CRKL: variants seen among roughly 807,000 people sequenced by gnomAD.
CRKL encodes the protein crk-like protein.
A neutral mutation model predicts 23.0 loss-of-function variants in CRKL; 3 were observed. The ratio of observed to expected loss-of-function variants is 0.13; its 90% CI spans 0.06 to 0.34. The LOEUF (loss-of-function observed/expected upper bound fraction) is 0.34, where lower values mean the gene tolerates loss of function less well. Ranked by LOEUF, CRKL falls within the 10% of genes least tolerant of loss-of-function variation. The pLI is 1.00. For missense variants in CRKL, 256 were observed against 394.5 expected, an observed-to-expected ratio of 0.65 and a Z score of 2.97; for synonymous variants, 188 against 160.7, an observed-to-expected ratio of 1.17 and a Z score of -1.28.
chr22:20,917,931 C>T lies in CRKL; in HGVS notation c.-4C>T, dbSNP rs2147891202. The T allele has an allele frequency of 3.7e-6, 6 of 1,612,788 alleles. No homozygotes were observed. Among genetic ancestry groups the T allele is most frequent in the Non-Finnish European group, 4.2e-6 (5 of 1,179,524 alleles). On this transcript the variant is annotated 5_prime_UTR_variant, in exon 1 of 3. Coordinates refer to ENST00000354336, the MANE Select transcript of CRKL (RefSeq NM_005207.4). Reference sequence around the variant, plus strand: ...TACCGCCGCAGAGTCCCCGGTCCAACACCATGTCCTCCGCCAGGTTCGACT... The same window carrying T: ...TACCGCCGCAGAGTCCCCGGTCCAATACCATGTCCTCCGCCAGGTTCGACT...
At chr22:20,920,864 C>A (rs1034959470) in intron 1 of CRKL, among the ~76,000 whole-genome samples, 5 of 152,162 alleles carry the variant, frequency 3.3e-5, no homozygotes, top group Admixed American at 3.3e-4. Context: ...CTGACCCTAC[C>A]CCTCACGTTC....
At chr22:20,927,579 A>C (rs561884490) in intron 1 of CRKL, among the ~76,000 whole-genome samples, 1 of 145,596 alleles carries the variant, frequency 6.9e-6, no homozygotes, top group South Asian at 2.3e-4. Context: ...GCCGTGGCTC[A>C]CGCCTGTAAT....
At chr22:20,939,217 T>TGTATTTC (rs1921770845) in intron 2 of CRKL, among the ~76,000 whole-genome samples, 1 of 146,524 alleles carries the variant, frequency 6.8e-6, no homozygotes, top group South Asian at 2.2e-4. Flanking sequence ...CTGTGGCACA[T>TGTATTTC]CTGGAACATA....
intron 2 of CRKL, among the ~76,000 whole-genome samples, chr22:20,942,363 A>G (rs1293644744): frequency 6.6e-6 from 1 of 152,236 alleles, no homozygotes; most frequent in East Asian, 1.9e-4. Flanking sequence ...CCTGGGCAAC[A>G]TAGTGAGACT....
At position 20,934,077 on chromosome 22, in the gene CRKL, G is replaced by A. The variant is rs770839945; in HGVS notation, c.610G>A (p.Ala204Thr). 2 of 1,614,188 alleles carry A rather than the reference G, an allele frequency of 1.2e-6. No individual in the cohort carries two copies. Among genetic ancestry groups the A allele is most frequent in the Non-Finnish European group, 1.7e-6 (2 of 1,180,052 alleles). The change falls in exon 2 of 3, where the codon GCT (alanine) becomes ACT (threonine). Residue 204 changes from alanine (A) to threonine (T), a missense_variant. By Grantham distance (58) the Ala-to-Thr change is moderately conservative (BLOSUM62 0). This residue lies in a region of CRKL where 129 missense variants were observed against 222.1 expected (regional missense o/e 0.58). Coordinates refer to ENST00000354336, the MANE Select transcript of CRKL (RefSeq NM_005207.4). Reference protein sequence around the residue: ...NSNSYGIPEPAHAYAQPQTTT... With the variant: ...NSNSYGIPEPTHAYAQPQTTT... ...CAACAGTTATGGGATCCCAGAACCT[G>A]CTCATGCATACGCTCAACCTCAGAC... is the stretch of plus-strand genomic sequence containing the variant.
At chr22:20,944,678 C>T (rs574491845) in intron 2 of CRKL, among the ~76,000 whole-genome samples, 1 of 152,020 alleles carries the variant, frequency 6.6e-6, no homozygotes, top group Non-Finnish European at 1.5e-5. Flanking sequence ...GCTGGGATTA[C>T]AGGCATGAGC....
At chr22:20,919,664 A>G (rs553984803) in intron 1 of CRKL, among the ~76,000 whole-genome samples, 107 of 152,296 alleles carry the variant, frequency 7.0e-4, no homozygotes, top group African/African-American at 2.4e-3. Context: ...AAAGTAACAA[A>G]CTGGCCAGTT....
rs1783230626 is a variant in CRKL at position 20,952,586 on chromosome 22, T to G, written c.*2741T>G. The stretch of plus-strand genomic sequence containing the variant: ...GCCTCAGCTCAGCTTCGTGCCTGGG[T>G]TCCCCACTGGTCTGGGAAGACTGTT... On this transcript the variant is annotated 3_prime_UTR_variant, in exon 3 of 3. Coordinates refer to ENST00000354336, the MANE Select transcript of CRKL (RefSeq NM_005207.4). The G allele has an allele frequency of 1.7e-5, 4 of 232,560 alleles. No homozygotes were observed. Among genetic ancestry groups the G allele is most frequent in the Non-Finnish European group, 3.4e-5 (4 of 117,536 alleles). The allele number at this position is 232,560 out of a possible 1,614,324, so 14.4% of individuals were successfully genotyped here.
intron 2 of CRKL, among the ~76,000 whole-genome samples, chr22:20,945,628 G>T (rs1017878389): frequency 6.6e-6 from 1 of 152,208 alleles, no homozygotes; most frequent in Non-Finnish European, 1.5e-5. Context: ...GCATTCAGTT[G>T]TGGGTTTGAG....
chr22:20,923,857 C>T lies in CRKL; in HGVS notation c.311+5612C>T, dbSNP rs1054198516. Reference sequence around the variant, plus strand: ...CCTCCCAAAGTGCTGGGATTACAGGCGTAAGTCACCGCGCCTGGCTACTAA... The same window carrying T: ...CCTCCCAAAGTGCTGGGATTACAGGTGTAAGTCACCGCGCCTGGCTACTAA... On this transcript the variant is annotated intron_variant, in intron 1 of 2. Transcript: ENST00000354336. Among the ~76,000 whole-genome samples the T allele has an allele frequency of 8.1e-5, 12 of 147,596 alleles. 1 individual carries two copies. Among genetic ancestry groups the T allele is most frequent in the African/African-American group, 2.3e-4 (9 of 39,854 alleles).
chr22:20,940,228 T>C (rs532535856), intron 2 of CRKL, among the ~76,000 whole-genome samples: 72 of 152,244 alleles, frequency 4.7e-4, no homozygotes, highest in African/African-American at 1.6e-3. Context: ...CTGCCTCTTA[T>C]ATCTATAAAA....
rs1929768368 is a variant in CRKL at position 20,918,393 on chromosome 22, C to T, written c.311+148C>T. On this transcript the variant is annotated intron_variant, in intron 1 of 2. Coordinates refer to ENST00000354336, the MANE Select transcript of CRKL (RefSeq NM_005207.4). ...TCCAGAAGGCCTTCCTAACAGAAAG[C>T]TAGTGTCAGGATCTGGGTCACTGGA... 4.4e-6 allele frequency: 4 copies of T among 905,492 alleles called. 1 individual carries two copies. The highest frequency in any genetic ancestry group is 1.6e-6 in the Non-Finnish European group (1 of 612,820). 56.1% of individuals were successfully genotyped at this position (905,492 alleles called of 1,614,324 possible). A position where few individuals can be genotyped will look rare whatever the true frequency, so the allele number is the denominator to read the frequency against.
In CRKL at chr22:20,953,247, C is replaced by T. The variant is rs139209821; in HGVS notation, c.*3402C>T. ...TTTCTGTGGACACCACTGAGCTCTGCCTCAACTCCACCCTCTGCGACCGGA... is the reference window on the plus strand; with the variant it reads ...TTTCTGTGGACACCACTGAGCTCTGTCTCAACTCCACCCTCTGCGACCGGA... On this transcript the variant is annotated 3_prime_UTR_variant, in exon 3 of 3. Coordinates refer to ENST00000354336, the MANE Select transcript of CRKL (RefSeq NM_005207.4). 10 of 231,486 alleles carry T rather than the reference C, an allele frequency of 4.3e-5. No individual in the cohort carries two copies. The highest frequency in any genetic ancestry group is 7.7e-5 in the Non-Finnish European group (9 of 116,898). The allele number at this position is 231,486 out of a possible 1,614,324, so 14.3% of individuals were successfully genotyped here. A position where few individuals can be genotyped will look rare whatever the true frequency, so the allele number is the denominator to read the frequency against.
rs1922219522 is a variant in CRKL at position 20,950,272 on chromosome 22, A to G, written c.*427A>G. ...GCTGCCATCTTGCTTTTCTTTGGAC[A>G]ACAGGAAGTGAACCTTAAGGAAGAG... On this transcript the variant is annotated 3_prime_UTR_variant, in exon 3 of 3. Transcript: ENST00000354336. The G allele has an allele frequency of 8.4e-6, 2 of 237,622 alleles. No individual in the cohort carries two copies. The highest frequency in any genetic ancestry group is 1.8e-4 in the South Asian group (1 of 5,652). 14.7% of individuals were successfully genotyped at this position (237,622 alleles called of 1,614,324 possible). A position where few individuals can be genotyped will look rare whatever the true frequency, so the allele number is the denominator to read the frequency against.
intron 1 of CRKL, among the ~76,000 whole-genome samples, chr22:20,920,737 T>G (rs1320917686): frequency 6.8e-6 from 1 of 147,204 alleles, no homozygotes; most frequent in Non-Finnish European, 1.6e-5. Context: ...CCTTTGTACC[T>G]TTGCACCTTT....
chr22:20,930,607 C>T (rs942206521), intron 1 of CRKL, among the ~76,000 whole-genome samples: 2 of 149,812 alleles, frequency 1.3e-5, no homozygotes, highest in Admixed American at 6.7e-5. Context: ...GTCTTGAACT[C>T]CTGACCTCAA....
intron 1 of CRKL, among the ~76,000 whole-genome samples, chr22:20,922,662 C>T (rs978889093): frequency 2.0e-5 from 3 of 151,896 alleles, no homozygotes; most frequent in African/African-American, 7.3e-5. Context: ...TGTGGTATTC[C>T]TATGGTGGAT....
intron 1 of CRKL, among the ~76,000 whole-genome samples, chr22:20,921,954 C>T (rs1175428364): frequency 3.3e-5 from 5 of 150,718 alleles, no homozygotes; most frequent in Admixed American, 1.3e-4. Context: ...GTGATCCGCC[C>T]GCCTCGGCCT....
intron 1 of CRKL, among the ~76,000 whole-genome samples, chr22:20,924,159 G>T (rs190704916): frequency 6.6e-6 from 1 of 152,134 alleles, no homozygotes. Context: ...CTGCACTTCA[G>T]CCTGGGCAAC....
Sources: allele counts gnomAD v4.1 joint callset (sites outside exome capture counted in the v4.1 genomes callset), GRCh38; gene constraint gnomAD v4.1.1; regional missense constraint gnomAD v4.1.1; transcripts MANE v1.5; gene names NCBI Gene and HGNC (gene_info 2026-07-23, HGNC 2026-07-21).